ADAM2: variants seen among roughly 807,000 people sequenced by gnomAD.
ADAM2 encodes disintegrin and metalloproteinase domain-containing protein 2.
ADAM2 carries 101 observed loss-of-function variants against 99.3 expected under a neutral mutation model. The observed-to-expected ratio is 1.02, with a 90% CI of 0.87 to 1.20. ADAM2 has a LOEUF of 1.20. Among genes scored for constraint, ADAM2 ranks in the 50% most tolerant of loss-of-function variants. The probability of loss-of-function intolerance (pLI) is 0.00; values close to 1 mark genes in which losing one functional copy is unlikely to be tolerated. For synonymous variants in ADAM2, 323 were observed against 287.6 expected (o/e 1.12, Z -1.25); for missense variants, 948 against 878.7 (o/e 1.08, Z -1.00).
chr8:39,824,968 TA>T, intron 3 of ADAM2, 71 bp from the exon 4 acceptor site: 1 of 703,998 alleles, frequency 1.4e-6, no homozygotes, highest in Non-Finnish European at 2.5e-6. Context: ...TTTTATTAAT[TA>T]TAGACAGGTA....
At chr8:39,824,272 C>T (rs1805310183) in intron 4 of ADAM2, among the ~76,000 whole-genome samples, 1 of 110,966 alleles carries the variant, frequency 9.0e-6, no homozygotes, top group African/African-American at 4.1e-5. Context: ...GAAACTCTAT[C>T]TCAAAAAAAA....
rs565474576 is a variant in ADAM2, at chr8:39,783,514, C to A, written c.891+3460G>T. On this transcript the variant is annotated intron_variant, in intron 10 of 20. Coordinates refer to ENST00000265708, the MANE Select transcript of ADAM2 (RefSeq NM_001464.5). ...TCCTCATTATTTCTTCTAGAACATC[C>A]TTCCTTTAGACTACTGCTATGGACC... is the stretch of plus-strand genomic sequence containing the variant. 6.2e-4 allele frequency among the ~76,000 whole-genome samples: 95 copies of A among 152,194 alleles called. 1 individual carries two copies. Among genetic ancestry groups the A allele is most frequent in the African/African-American group, 2.1e-3 (88 of 41,530 alleles).
chr8:39,817,281 A>G (rs1804986292), intron 6 of ADAM2, among the ~76,000 whole-genome samples: 1 of 152,168 alleles, frequency 6.6e-6, no homozygotes, highest in African/African-American at 2.4e-5. Context: ...GCAACTAGAA[A>G]AGTTGAGCTC....
intron 7 of ADAM2, among the ~76,000 whole-genome samples, chr8:39,798,927 T>C (rs747362972): frequency 2.2e-4 from 34 of 152,168 alleles, no homozygotes; most frequent in Non-Finnish European, 4.0e-4. Context: ...TTCTTCTCTC[T>C]TTTCTTCTTT....
At chr8:39,827,370 G>A (rs557552494) in intron 3 of ADAM2, among the ~76,000 whole-genome samples, 16 of 152,032 alleles carry the variant, frequency 1.1e-4, no homozygotes, top group Admixed American at 5.9e-4. Flanking sequence ...TGATTCAGCC[G>A]TCCCTTTACT....
At chr8:39,784,578 A>C (rs1007812170) in intron 10 of ADAM2, among the ~76,000 whole-genome samples, 6 of 152,094 alleles carry the variant, frequency 3.9e-5, no homozygotes. Context: ...AGTTCTTACT[A>C]TGTTGCCCAT....
At chr8:39,755,373 T>A (rs1802106578) in intron 16 of ADAM2, among the ~76,000 whole-genome samples, 1 of 152,232 alleles carries the variant, frequency 6.6e-6, no homozygotes, top group South Asian at 2.1e-4. Flanking sequence ...TAATTATGTA[T>A]CATTTAAGAA....
intron 11 of ADAM2, among the ~76,000 whole-genome samples, chr8:39,770,236 C>T (rs193273326): frequency 1.7e-4 from 26 of 152,238 alleles, no homozygotes; most frequent in Non-Finnish European, 1.5e-4. Context: ...CGTGAGCCAA[C>T]GCGCCCAGCC....
Position 39,761,248 on chromosome 8 carries a change from T to A in ADAM2, c.1541A>T (p.His514Leu), listed in dbSNP as rs773338237. The change falls in exon 15 of 21, where the codon CAC (histidine) becomes CTC (leucine). Residue 514 changes from histidine (H) to leucine (L), a missense_variant. Physicochemically the swap from His to Leu is moderately conservative, Grantham distance 99. Coordinates refer to ENST00000265708, the MANE Select transcript of ADAM2 (RefSeq NM_001464.5). Reference sequence around the variant, plus strand: ...AGATACATCAGTCTTTGAATTAAGGTGAGAATAACATTCTGAAGGGCCAAA... The same window carrying A: ...AGATACATCAGTCTTTGAATTAAGGAGAGAATAACATTCTGAAGGGCCAAA... ...VEFGPSECYS[H>L]LNSKTDVSGN... 6.2e-7 allele frequency: 1 copy of A among 1,604,790 alleles called. No individual in the cohort carries two copies. The highest frequency in any genetic ancestry group is 8.5e-7 in the Non-Finnish European group (1 of 1,174,872).
chr8:39,814,747 T>A (rs1300798904), intron 6 of ADAM2, among the ~76,000 whole-genome samples: 1 of 151,962 alleles, frequency 6.6e-6, no homozygotes, highest in South Asian at 2.1e-4. Context: ...CAACATGTCC[T>A]GTATTGAATT....
intron 19 of ADAM2, 126 bp from the exon 20 acceptor site, chr8:39,745,019 A>G (rs2129582484): frequency 1.5e-6 from 1 of 662,450 alleles, no homozygotes; most frequent in East Asian, 2.7e-5. Context: ...CCATTATTTG[A>G]GAATACCCTA....
At chr8:39,796,925 T>C (rs1803985647) in intron 7 of ADAM2, among the ~76,000 whole-genome samples, 2 of 152,196 alleles carry the variant, frequency 1.3e-5, no homozygotes, top group African/African-American at 4.8e-5. Flanking sequence ...AAGTTCCTTG[T>C]AAATTCTGGA....
chr8:39,817,737 A>C (rs1297528955), intron 6 of ADAM2, among the ~76,000 whole-genome samples: 1 of 152,046 alleles, frequency 6.6e-6, no homozygotes, highest in Non-Finnish European at 1.5e-5. Flanking sequence ...CCACACAAAA[A>C]AGAAAATATT....
chr8:39,821,500 G>T, intron 5 of ADAM2, 86 bp downstream of exon 5: 1 of 1,070,786 alleles, frequency 9.3e-7, no homozygotes, highest in Non-Finnish European at 1.4e-6. Context: ...CCACACTTTA[G>T]AACCACTGAA....
chr8:39,770,516 C>G (rs1802741035), intron 11 of ADAM2, among the ~76,000 whole-genome samples: 1 of 152,206 alleles, frequency 6.6e-6, no homozygotes, highest in Non-Finnish European at 1.5e-5. Flanking sequence ...AATGTGGACT[C>G]TGTGGCCAAT....
Position 39,755,681 on chromosome 8 carries a change from A to T in ADAM2, c.1797+47T>A, listed in dbSNP as rs751193499. On this transcript the variant is annotated intron_variant, in intron 16 of 20. Coordinates refer to ENST00000265708, the MANE Select transcript of ADAM2 (RefSeq NM_001464.5). ...AGTGACACTCATCTCAAAAAAGGGC[A>T]AAGTCTAAAATATTAGGAAATTATT... 38 of 1,471,512 alleles carry T rather than the reference A, an allele frequency of 2.6e-5. No homozygotes were observed. The South Asian group carries it at 4.5e-4, about 17-fold the overall frequency. 91.2% of individuals were successfully genotyped at this position (1,471,512 alleles called of 1,614,324 possible).
At chr8:39,837,914 T>A (rs921795778) in intron 1 of ADAM2, among the ~76,000 whole-genome samples, 4 of 152,240 alleles carry the variant, frequency 2.6e-5, no homozygotes, top group African/African-American at 9.6e-5. Flanking sequence ...TAGGACCTCC[T>A]ATCTTATCTT....
intron 3 of ADAM2, among the ~76,000 whole-genome samples, chr8:39,826,298 CAGTT>C (rs1330467899): frequency 6.6e-6 from 1 of 152,124 alleles, no homozygotes; most frequent in African/African-American, 2.4e-5. Context: ...CATTTACAGT[CAGTT>C]GGTGTTTGAC....
chr8:39,758,769 C>T (rs575616994), intron 15 of ADAM2, among the ~76,000 whole-genome samples: 1 of 152,108 alleles, frequency 6.6e-6, no homozygotes, highest in East Asian at 1.9e-4. Flanking sequence ...AAAAGTCCTA[C>T]AGACTTTTGA....
Sources: gnomAD v4.1 joint callset for allele counts (sites outside exome capture counted in the v4.1 genomes callset) on GRCh38, gnomAD v4.1.1 for gene constraint, MANE v1.5 for transcripts, NCBI Gene and HGNC (gene_info 2026-07-23, HGNC 2026-07-21) for gene names.